SLCO4C1: variants seen among roughly 807,000 people sequenced by gnomAD.
SLCO4C1 encodes the protein solute carrier organic anion transporter family member 4C1.
Under a neutral mutation model 72.1 loss-of-function variants are expected in SLCO4C1, and 58 were observed. That is an observed-to-expected ratio of 0.80 (90% CI 0.65 to 1.00). SLCO4C1 has a LOEUF of 1.00. Among genes scored for constraint, SLCO4C1 ranks in the 50% least tolerant of loss-of-function variants. The pLI is 0.00. For missense variants in SLCO4C1, 898 were observed against 857.9 expected (o/e 1.05, Z -0.58); for synonymous variants, 297 against 312.5 (o/e 0.95, Z 0.52).
At chr5:102,280,025 A>G (rs1278937986) in intron 2 of SLCO4C1, among the ~76,000 whole-genome samples, 7 of 149,304 alleles carry the variant, frequency 4.7e-5, no homozygotes, top group African/African-American at 1.7e-4. Flanking sequence ...GGAAGAAGGT[A>G]AGAACAATCA....
Position 102,268,387 on chromosome 5 carries a change from A to T in SLCO4C1, c.802+2237T>A, listed in dbSNP as rs180914157. On this transcript the variant is annotated intron_variant, in intron 3 of 12. Coordinates refer to ENST00000310954, the MANE Select transcript of SLCO4C1 (RefSeq NM_180991.5). ...GTCTCTTTCTTGTATTTTTTGACTTAGACTATTTTGTCTAATTTAAATATA... is the reference window on the plus strand; with the variant it reads ...GTCTCTTTCTTGTATTTTTTGACTTTGACTATTTTGTCTAATTTAAATATA... Among the ~76,000 whole-genome samples, 780 of 152,142 alleles carry T rather than the reference A, an allele frequency of 5.1e-3. 1 individual carries two copies. Among genetic ancestry groups the T allele is most frequent in the Non-Finnish European group, 8.1e-3 (549 of 67,972 alleles).
At chr5:102,266,276 A>G (rs971663139) in intron 3 of SLCO4C1, among the ~76,000 whole-genome samples, 1 of 152,108 alleles carries the variant, frequency 6.6e-6, no homozygotes, top group Non-Finnish European at 1.5e-5. Flanking sequence ...CTCTTCTCCA[A>G]TTTTGATGTC....
chr5:102,295,890 G>A lies in SLCO4C1; in HGVS notation c.355+18C>T, dbSNP rs760158187. ...CGCTCTCCACTGGCCCGAGCCTCAA[G>A]CGGGCGCTGGACTTTACCTTGCGTG... On this transcript the variant is annotated intron_variant, in intron 1 of 12. Transcript: ENST00000310954. 5 of 1,599,368 alleles carry A rather than the reference G, an allele frequency of 3.1e-6. No homozygotes were observed. Among genetic ancestry groups the A allele is most frequent in the African/African-American group, 1.3e-5 (1 of 74,684 alleles).
intron 8 of SLCO4C1, among the ~76,000 whole-genome samples, chr5:102,255,792 T>A (rs879655376): frequency 6.6e-6 from 1 of 151,172 alleles, no homozygotes; most frequent in Non-Finnish European, 1.5e-5. Flanking sequence ...CAATTTTTTT[T>A]AATCTCCCAT....
At chr5:102,271,329 T>C (rs1749148971) in intron 2 of SLCO4C1, among the ~76,000 whole-genome samples, 2 of 150,926 alleles carry the variant, frequency 1.3e-5, no homozygotes, top group South Asian at 4.1e-4. Context: ...ATATTATTAA[T>C]ATTATATTGT....
chr5:102,287,755 T>C (rs1561382096), intron 2 of SLCO4C1, among the ~76,000 whole-genome samples: 1 of 151,816 alleles, frequency 6.6e-6, no homozygotes, highest in African/African-American at 2.4e-5. Flanking sequence ...GGGGTTTCAC[T>C]GTGTTGGCCA....
In SLCO4C1 at chr5:102,236,958, G is replaced by A. The variant is rs1748447707; in HGVS notation, c.2075C>T (p.Pro692Leu). ...FNGFAIFLYKPPPSATDVSFH... is the reference protein window; with the variant it reads ...FNGFAIFLYKLPPSATDVSFH... ...TGACACATCTGTGGCTGATGGAGGT[G>A]GTTTATACAAAAAGATTGCAAATCC... Residue 692 changes from proline (P) to leucine (L), a missense_variant, in exon 13 of 13, where the codon CCA (proline) becomes CTA (leucine). By Grantham distance (98) the Pro-to-Leu change is moderately conservative. Coordinates refer to ENST00000310954, the MANE Select transcript of SLCO4C1 (RefSeq NM_180991.5). 6.2e-7 allele frequency: 1 copy of A among 1,611,532 alleles called. No homozygotes were observed. The highest frequency in any genetic ancestry group is 1.3e-5 in the African/African-American group (1 of 74,672).
At chr5:102,258,233 G>T in intron 6 of SLCO4C1, 146 bp from the exon 7 acceptor site, 1 of 558,604 alleles carries the variant, frequency 1.8e-6, no homozygotes, top group Non-Finnish European at 3.0e-6. Flanking sequence ...ATATAACTAT[G>T]GATAATTAAT....
In SLCO4C1 at chr5:102,247,392, A is replaced by C; in HGVS notation, c.1671T>G (p.Thr557=). ...TAGCTTCAAAACCAAAAGTTTCTGCAGTGGATGTTATTTCTGTTTTCCTTT... is the reference window on the plus strand; with the variant it reads ...TAGCTTCAAAACCAAAAGTTTCTGCCGTGGATGTTATTTCTGTTTTCCTTT... ...CIERKTEITS[T]AETFGFEAKA... Residue 557 remains threonine, a synonymous_variant, in exon 10 of 13, where the codon ACT becomes ACG. Coordinates refer to ENST00000310954, the MANE Select transcript of SLCO4C1 (RefSeq NM_180991.5). The C allele has an allele frequency of 6.3e-7, 1 of 1,593,358 alleles. No homozygotes were observed. The highest frequency in any genetic ancestry group is 1.1e-5 in the South Asian group (1 of 88,864).
At chr5:102,290,443 A>T (rs1016473084) in intron 2 of SLCO4C1, among the ~76,000 whole-genome samples, 2 of 152,194 alleles carry the variant, frequency 1.3e-5, no homozygotes, top group Non-Finnish European at 2.9e-5. Context: ...CATCTCCATG[A>T]CCCAAACACC....
At chr5:102,265,061 T>C (rs1227038550) in intron 3 of SLCO4C1, among the ~76,000 whole-genome samples, 1 of 152,088 alleles carries the variant, frequency 6.6e-6, no homozygotes, top group African/African-American at 2.4e-5. Flanking sequence ...CTCTTAGCTA[T>C]TGTGGGAAGC....
chr5:102,258,482 A>G (rs261100), intron 6 of SLCO4C1, among the ~76,000 whole-genome samples: 114,387 of 152,086 alleles, frequency 0.75, 43,090 homozygotes, highest in Middle Eastern at 0.84. Flanking sequence ...GAAAGAGTTT[A>G]AGACTATGAG....
intron 12 of SLCO4C1, 55 bp downstream of exon 12, chr5:102,239,196 T>A (rs911100576): frequency 2.1e-6 from 3 of 1,453,970 alleles, no homozygotes; most frequent in African/African-American, 2.9e-5. Flanking sequence ...CAATGAGATT[T>A]TTTTTTTTTT....
chr5:102,276,483 C>T (rs542009738), intron 2 of SLCO4C1, among the ~76,000 whole-genome samples: 33 of 152,234 alleles, frequency 2.2e-4, no homozygotes, highest in Non-Finnish European at 4.4e-4. Context: ...GAGGGCCCAA[C>T]TGACAAGCAT....
chr5:102,283,902 G>A (rs1333999402), intron 2 of SLCO4C1, among the ~76,000 whole-genome samples: 1 of 151,956 alleles, frequency 6.6e-6, no homozygotes, highest in Non-Finnish European at 1.5e-5. Context: ...AAGCACTGAA[G>A]TGAAATCAAC....
chr5:102,263,958 ACAC>A, intron 3 of SLCO4C1, among the ~76,000 whole-genome samples, 178 bp from the exon 4 acceptor site: 1 of 152,258 alleles, frequency 6.6e-6, no homozygotes, highest in African/African-American at 2.4e-5. Context: ...AAATCCTAAA[ACAC>A]ATAACTCAAT....
At position 102,272,118 on chromosome 5, in the gene SLCO4C1, G is replaced by A. The variant is rs575791684; in HGVS notation, c.620-1312C>T. ...CAGGCATACATTGAGAAAGGAAGCAGGGCTGTGAAGTGCTAAGTTAATTCA... is the reference window on the plus strand; with the variant it reads ...CAGGCATACATTGAGAAAGGAAGCAAGGCTGTGAAGTGCTAAGTTAATTCA... On this transcript the variant is annotated intron_variant, in intron 2 of 12. Transcript: ENST00000310954. Among the ~76,000 whole-genome samples the A allele has an allele frequency of 7.2e-5, 11 of 152,270 alleles. No homozygotes were observed. In the South Asian group the frequency reaches 1.9e-3, roughly 26 times the overall value.
rs1482065536 is a variant in SLCO4C1, at chr5:102,258,050, A to G, written c.1166T>C (p.Leu389Pro). 7 of 1,594,282 alleles carry G rather than the reference A, an allele frequency of 4.4e-6. No homozygotes were observed. Among genetic ancestry groups the G allele is most frequent in the African/African-American group, 1.4e-5 (1 of 73,636 alleles). Residue 389 changes from leucine to proline, a missense_variant, in exon 7 of 13, where the codon CTA becomes CCA. Leu to Pro is a moderately conservative substitution (Grantham distance 98). Transcript: ENST00000310954. ...AATTAAGGCTTCTGAAGAAGTTGATAGAACTAAACACATAAAGACAGCATT... is the reference window on the plus strand; with the variant it reads ...AATTAAGGCTTCTGAAGAAGTTGATGGAACTAAACACATAAAGACAGCATT... ...MKNAVFMCLVLSTSSEALITT... is the reference protein window; with the variant it reads ...MKNAVFMCLVPSTSSEALITT...
intron 2 of SLCO4C1, among the ~76,000 whole-genome samples, chr5:102,273,732 T>C (rs1016941504): frequency 1.3e-5 from 2 of 152,168 alleles, no homozygotes; most frequent in Non-Finnish European, 2.9e-5. Context: ...GAGAAATACT[T>C]CATTCAGAGA....
Sources: gnomAD v4.1 joint callset for allele counts (sites outside exome capture counted in the v4.1 genomes callset) on GRCh38, gnomAD v4.1.1 for gene constraint, MANE v1.5 for transcripts, NCBI Gene and HGNC (gene_info 2026-07-23, HGNC 2026-07-21) for gene names.